The following ZFP64 variants were observed in gnomAD, a reference collection of about 807,000 sequenced individuals.
ZFP64 encodes the protein zinc finger protein 64.
In ZFP64, 14 loss-of-function variants were observed where a neutral mutation model predicts 51.6. That is an observed-to-expected ratio of 0.27 (90% CI 0.18 to 0.42). The LOEUF (loss-of-function observed/expected upper bound fraction) is 0.42, where lower values mean the gene tolerates loss of function less well. Among genes scored for constraint, ZFP64 ranks in the 10% least tolerant of loss-of-function variants. ZFP64 has a pLI of 1.00. For synonymous variants in ZFP64, 375 were observed against 361.4 expected, an observed-to-expected ratio of 1.04 and a Z score of -0.43; for missense variants, 754 against 906.8, an observed-to-expected ratio of 0.83 and a Z score of 2.16.
chr20:52,175,704 C>T (rs1015104964), intron 2 of ZFP64, among the ~76,000 whole-genome samples: 1 of 152,040 alleles, frequency 6.6e-6, no homozygotes, highest in Non-Finnish European at 1.5e-5. Flanking sequence ...ATTAGCCGGA[C>T]GTGGTGGTGG....
chr20:52,123,392 A>G (rs1979291052), intron 5 of ZFP64, among the ~76,000 whole-genome samples: 1 of 152,188 alleles, frequency 6.6e-6, no homozygotes, highest in Non-Finnish European at 1.5e-5. Context: ...CTTTTGTGAC[A>G]GGAAGTGTTA....
intron 2 of ZFP64, among the ~76,000 whole-genome samples, chr20:52,174,618 C>G (rs1166330659): frequency 6.6e-6 from 1 of 151,256 alleles, no homozygotes; most frequent in African/African-American, 2.4e-5. Flanking sequence ...TCATCGAAAA[C>G]ACAACCTCTA....
intron 5 of ZFP64, among the ~76,000 whole-genome samples, chr20:52,118,626 A>G (rs1425537768): frequency 6.6e-6 from 1 of 152,264 alleles, no homozygotes; most frequent in African/African-American, 2.4e-5. Context: ...TTTAACAAAC[A>G]TTAATTGGGT....
At chr20:52,104,373 G>A (rs989076623) in intron 5 of ZFP64, among the ~76,000 whole-genome samples, 7 of 152,184 alleles carry the variant, frequency 4.6e-5, no homozygotes, top group Admixed American at 2.6e-4. Flanking sequence ...GGTAGCCGAC[G>A]ATCTCCTTGC....
At position 52,152,255 on chromosome 20, in the gene ZFP64, G is replaced by A. The variant is rs1003932257; in HGVS notation, c.1937C>T (p.Pro646Leu). Residue 646 changes from proline (P) to leucine (L), a missense_variant, in exon 6 of 6, where the codon CCG (proline) becomes CTG (leucine). By Grantham distance (98) the Pro-to-Leu change is moderately conservative. Coordinates refer to ENST00000216923, the MANE Select transcript of ZFP64 (RefSeq NM_018197.3). ...QNIAVATTAP[P>L]VFSSSSQQEL... ...TTGCTGGGAAGAGGAGGAGAAGACC[G>A]GTGGCGCTGTGGTGGCCACTGCGAT... 22 of 1,614,042 alleles carry A rather than the reference G, an allele frequency of 1.4e-5. No homozygotes were observed. The highest frequency in any genetic ancestry group is 1.7e-5 in the Non-Finnish European group (20 of 1,180,036).
exon 9 of ZFP64, chr20:52,084,162 C>T (rs2078839314): frequency 5.2e-6 from 1 of 192,708 alleles, no homozygotes; most frequent in Non-Finnish European, 1.1e-5. Context: ...CTCACTTTAA[C>T]CCTTTCCACT....
chr20:52,109,794 A>G (rs1263297002), intron 5 of ZFP64, among the ~76,000 whole-genome samples: 1 of 151,516 alleles, frequency 6.6e-6, no homozygotes. Context: ...AAAAAAAAAA[A>G]AAAAAAAAGA....
chr20:52,182,742 C>T (rs769306045), intron 2 of ZFP64, among the ~76,000 whole-genome samples: 98 of 151,784 alleles, frequency 6.5e-4, no homozygotes, highest in South Asian at 2.1e-4. Context: ...AAGAAACAAG[C>T]AAAAAAACTA....
At chr20:52,146,708 A>AC (rs1225025562), downstream of ZFP64, among the ~76,000 whole-genome samples, 1 of 152,232 alleles carries the variant, frequency 6.6e-6, no homozygotes, top group Non-Finnish European at 1.5e-5. Flanking sequence ...GTGCACATGT[A>AC]CCCTAAAACT....
At chr20:52,099,437 A>G (rs1015484970) in intron 5 of ZFP64, among the ~76,000 whole-genome samples, 1 of 152,236 alleles carries the variant, frequency 6.6e-6, no homozygotes. Context: ...GTTTCAACAA[A>G]TAACTTGAAA....
chr20:52,171,938 G>T lies in ZFP64; in HGVS notation c.287-5913C>A, dbSNP rs554796119. Reference sequence around the variant, plus strand: ...AGTTTTTGTATTTTTAGTAGAGATAGAATTGCACCATGTTGGCCAGGCTGG... The same window carrying T: ...AGTTTTTGTATTTTTAGTAGAGATATAATTGCACCATGTTGGCCAGGCTGG... On this transcript the variant is annotated intron_variant, in intron 2 of 5. Transcript: ENST00000216923. 4.6e-5 allele frequency among the ~76,000 whole-genome samples: 7 copies of T among 152,126 alleles called. No homozygotes were observed. The South Asian group carries it at 1.5e-3, about 32-fold the overall frequency.
intron 1 of ZFP64, among the ~76,000 whole-genome samples, chr20:52,189,949 C>T (rs887093226): frequency 1.4e-4 from 21 of 152,086 alleles, no homozygotes; most frequent in Non-Finnish European, 2.8e-4. Context: ...TACAAGACTA[C>T]CTTTGTGCAT....
At chr20:52,130,501 A>G (rs1600734600) in intron 5 of ZFP64, among the ~76,000 whole-genome samples, 1 of 152,300 alleles carries the variant, frequency 6.6e-6, no homozygotes, top group East Asian at 1.9e-4. Flanking sequence ...GATATGAGCC[A>G]CTGCACCCCG....
intron 5 of ZFP64, among the ~76,000 whole-genome samples, chr20:52,114,193 A>G (rs1438643355): frequency 6.6e-6 from 1 of 152,276 alleles, no homozygotes; most frequent in African/African-American, 2.4e-5. Flanking sequence ...TGTTAGTTCA[A>G]GTAAACGGAA....
rs530872976 is a variant in ZFP64, at chr20:52,104,910, G to T, written c.764-6323C>A. 56 of 659,500 alleles carry T rather than the reference G, an allele frequency of 8.5e-5. No individual in the cohort carries two copies. In the South Asian group the frequency reaches 8.6e-4, roughly 10 times the overall value. 40.9% of individuals were successfully genotyped at this position (659,500 alleles called of 1,614,324 possible). A position where few individuals can be genotyped will look rare whatever the true frequency, so the allele number is the denominator to read the frequency against. On this transcript the variant is annotated intron_variant, in intron 5 of 8. Coordinates refer to the ZFP64 transcript ENST00000361387. ...TCGTTGACTAGCTCTTGAGAGGAGTGGCTAGAGGAATCCAGGCGGGGAAGG... is the reference window on the plus strand; with the variant it reads ...TCGTTGACTAGCTCTTGAGAGGAGTTGCTAGAGGAATCCAGGCGGGGAAGG...
intron 5 of ZFP64, among the ~76,000 whole-genome samples, chr20:52,124,777 T>TC (rs1600729353): frequency 3.9e-5 from 2 of 51,562 alleles, no homozygotes; most frequent in East Asian, 5.2e-4. Flanking sequence ...TTGTATTTTC[T>TC]TTTTTTTTTA....
Position 52,191,652 on chromosome 20 carries a change from G to A in ZFP64, c.-16C>T, listed in dbSNP as rs1462765510. 1 of 1,581,572 alleles carries A rather than the reference G, an allele frequency of 6.3e-7. No individual in the cohort carries two copies. The highest frequency in any genetic ancestry group is 2.4e-5 in the East Asian group (1 of 42,450). On this transcript the variant is annotated 5_prime_UTR_variant, in exon 1 of 6. Transcript: ENST00000216923. The surrounding 1 kb of genome is among the most constrained non-coding windows in gnomAD (Gnocchi z 4.3). ...TCGCGTTCATGGCCGCAGACTGGGAGGTCCCCGGCCGGCCGGGATGCCAAA... is the reference window on the plus strand; with the variant it reads ...TCGCGTTCATGGCCGCAGACTGGGAAGTCCCCGGCCGGCCGGGATGCCAAA...
rs1568690524 is a variant in ZFP64 at position 52,164,715 on chromosome 20, C to T, written c.491G>A (p.Arg164Gln). 6 of 1,613,816 alleles carry T rather than the reference C, an allele frequency of 3.7e-6. No homozygotes were observed. The highest frequency in any genetic ancestry group is 1.1e-5 in the South Asian group (1 of 91,054). The part of the protein sequence containing the change: ...KTAYGMKDME[R>Q]HLKIHTGDKP... ...CTTACCCGTGTGAATTTTTAAATGC[C>T]GCTCCATGTCCTTCATGCCATAAGC... The change falls in exon 4 of 6, where the codon CGG becomes CAG. Residue 164 changes from arginine (R) to glutamine (Q), a missense_variant. Physicochemically the swap from Arg to Gln is conservative, Grantham distance 43. Around this residue, in one of 3 missense-constraint regions of ZFP64, gnomAD observed 231 missense variants for 336.7 expected, o/e 0.69. Transcript: ENST00000216923.
At chr20:52,130,596 A>C (rs950851589) in intron 5 of ZFP64, among the ~76,000 whole-genome samples, 8 of 152,122 alleles carry the variant, frequency 5.3e-5, no homozygotes, top group African/African-American at 1.7e-4. Context: ...TGCTCATGGA[A>C]ACTTCACATG....
Sources: gnomAD v4.1 joint callset for allele counts (sites outside exome capture counted in the v4.1 genomes callset) on GRCh38, gnomAD v4.1.1 for gene constraint, gnomAD v4.1.1 regional missense constraint, Gnocchi (gnomAD v3.1) non-coding constraint, MANE v1.5 for transcripts, NCBI Gene and HGNC (gene_info 2026-07-23, HGNC 2026-07-21) for gene names.